GPC5: variants seen among roughly 807,000 people sequenced by gnomAD.
The protein encoded by GPC5 is glypican-5.
Under a neutral mutation model 53.9 loss-of-function variants are expected in GPC5, and 47 were observed. The observed-to-expected ratio is 0.87, with a 90% CI of 0.69 to 1.11. GPC5 has a LOEUF of 1.11. Among genes scored for constraint, GPC5 ranks in the 50% most tolerant of loss-of-function variants. GPC5 has a pLI of 0.00. For synonymous variants in GPC5, 286 were observed against 263.3 expected, an observed-to-expected ratio of 1.09 and a Z score of -0.84; for missense variants, 748 against 713.1, an observed-to-expected ratio of 1.05 and a Z score of -0.56.
chr13:91,607,246 G>T (rs928327800), intron 2 of GPC5, among the ~76,000 whole-genome samples: 3 of 152,180 alleles, frequency 2.0e-5, no homozygotes, highest in Non-Finnish European at 4.4e-5. Context: ...TTTGACAAAT[G>T]TTGGCTCTGA....
intron 7 of GPC5, among the ~76,000 whole-genome samples, chr13:92,796,226 G>A (rs765872509): frequency 6.6e-6 from 1 of 152,028 alleles, no homozygotes; most frequent in Non-Finnish European, 1.5e-5. Flanking sequence ...CATGGATGAA[G>A]CTGGAAACCA....
intron 7 of GPC5, among the ~76,000 whole-genome samples, chr13:92,604,323 A>C (rs1227199773): frequency 6.6e-6 from 1 of 152,166 alleles, no homozygotes; most frequent in Non-Finnish European, 1.5e-5. Context: ...ATCTATCTAA[A>C]TGTAGAAGTG....
At chr13:91,756,205 C>T (rs72643295) in intron 4 of GPC5, 90 bp from the exon 5 acceptor site, 23,083 of 927,536 alleles carry the variant, frequency 0.025, 370 homozygotes, top group Non-Finnish European at 0.03. Context: ...AAATTATATC[C>T]TAAACATTAT....
Position 92,625,971 on chromosome 13 carries a change from G to A in GPC5, c.1562-240311G>A, listed in dbSNP as rs183260919. Among the ~76,000 whole-genome samples the A allele has an allele frequency of 4.6e-5, 7 of 152,288 alleles. No homozygotes were observed. In the East Asian group the frequency reaches 1.4e-3, roughly 29 times the overall value. On this transcript the variant is annotated intron_variant, in intron 7 of 7. Transcript: ENST00000377067. Reference sequence around the variant, plus strand: ...TTTTCAGGAGCCTGTGACAGCCATAGGAACCAGATCAAAGATTCCCAAGAC... The same window carrying A: ...TTTTCAGGAGCCTGTGACAGCCATAAGAACCAGATCAAAGATTCCCAAGAC...
intron 6 of GPC5, among the ~76,000 whole-genome samples, chr13:92,032,009 A>T (rs1391746232): frequency 7.5e-6 from 1 of 133,256 alleles, no homozygotes; most frequent in Non-Finnish European, 1.5e-5. Context: ...AATTGTATAT[A>T]ATATATAATA....
chr13:92,183,048 T>C (rs574319848), intron 7 of GPC5, among the ~76,000 whole-genome samples: 57 of 152,312 alleles, frequency 3.7e-4, no homozygotes, highest in African/African-American at 1.3e-3. Flanking sequence ...GTATGTACTT[T>C]GTTTTTATTC....
At chr13:92,310,709 C>G (rs2043139787) in intron 7 of GPC5, among the ~76,000 whole-genome samples, 1 of 152,144 alleles carries the variant, frequency 6.6e-6, no homozygotes, top group Admixed American at 6.6e-5. Context: ...TATTTTAAAA[C>G]TTTTAAGATC....
At chr13:92,452,247 C>T (rs1353695664) in intron 7 of GPC5, among the ~76,000 whole-genome samples, 1 of 151,896 alleles carries the variant, frequency 6.6e-6, no homozygotes, top group Non-Finnish European at 1.5e-5. Flanking sequence ...GAACTTTCAC[C>T]TATAGGTACA....
chr13:92,347,242 CATA>C (rs1473911886), intron 7 of GPC5, among the ~76,000 whole-genome samples: 1 of 152,214 alleles, frequency 6.6e-6, no homozygotes, highest in Admixed American at 6.5e-5. Flanking sequence ...AATCAAGACA[CATA>C]ATAATCAAAC....
intron 7 of GPC5, among the ~76,000 whole-genome samples, chr13:92,185,367 A>G (rs1356610350): frequency 6.6e-6 from 1 of 152,196 alleles, no homozygotes; most frequent in East Asian, 1.9e-4. Flanking sequence ...TCTCCAGCTC[A>G]AAATATTAAT....
At chr13:91,728,768 AC>A in intron 4 of GPC5, 103 bp downstream of exon 4, 4 of 1,129,318 alleles carry the variant, frequency 3.5e-6, no homozygotes, top group South Asian at 4.8e-5. Context: ...TTCAATATGG[AC>A]AAAAAAAAAA....
At position 92,770,920 on chromosome 13, in the gene GPC5, G is replaced by A. The variant is rs115257402; in HGVS notation, c.1562-95362G>A. 3.5e-3 allele frequency among the ~76,000 whole-genome samples: 532 copies of A among 152,194 alleles called. 3 individuals are homozygous for A. Among genetic ancestry groups the A allele is most frequent in the African/African-American group, 0.012 (503 of 41,508 alleles). ...CTTGACCTCTGCTGATATTCATGGG[G>A]AAGATACTCCTCATTATTTATGGTA... On this transcript the variant is annotated intron_variant, in intron 7 of 7. Transcript: ENST00000377067.
At chr13:92,497,857 G>T (rs1447328141) in intron 7 of GPC5, among the ~76,000 whole-genome samples, 1 of 151,966 alleles carries the variant, frequency 6.6e-6, no homozygotes, top group African/African-American at 2.4e-5. Context: ...TGTAGTGATT[G>T]TGAATGGGAG....
At chr13:91,907,890 T>C (rs779535856) in intron 5 of GPC5, 47 bp from the exon 6 acceptor site, 2 of 1,579,900 alleles carry the variant, frequency 1.3e-6, no homozygotes, top group South Asian at 1.1e-5. Flanking sequence ...TGACAGATAA[T>C]ACCCTGATCA....
At chr13:92,647,662 A>C (rs1594380163) in intron 7 of GPC5, among the ~76,000 whole-genome samples, 1 of 152,250 alleles carries the variant, frequency 6.6e-6, no homozygotes, top group African/African-American at 2.4e-5. Context: ...CATTAACATA[A>C]AAATTGTTTT....
At chr13:92,138,535 A>AAAAAAT (rs755613645) in intron 6 of GPC5, among the ~76,000 whole-genome samples, 18 of 150,796 alleles carry the variant, frequency 1.2e-4, no homozygotes, top group African/African-American at 4.4e-4. Context: ...AATAAAAAAT[A>AAAAAAT]AAAAATAAAA....
At chr13:92,723,621 T>C (rs1888561292) in intron 7 of GPC5, among the ~76,000 whole-genome samples, 1 of 151,698 alleles carries the variant, frequency 6.6e-6, no homozygotes, top group Non-Finnish European at 1.5e-5. Flanking sequence ...TATATCCTTA[T>C]AGTAAAAAGT....
intron 7 of GPC5, among the ~76,000 whole-genome samples, chr13:92,805,940 T>TC (rs761176913): frequency 4.8e-4 from 73 of 152,090 alleles, no homozygotes; most frequent in Non-Finnish European, 7.5e-4. Context: ...AGCTGCATTA[T>TC]CCCCTAACAA....
intron 7 of GPC5, among the ~76,000 whole-genome samples, chr13:92,311,933 G>A (rs1032895461): frequency 2.0e-5 from 3 of 152,150 alleles, no homozygotes; most frequent in Non-Finnish European, 2.9e-5. Flanking sequence ...ATAAAAGCAT[G>A]TGTGAAGACC....
Sources: gnomAD v4.1 joint callset for allele counts (sites outside exome capture counted in the v4.1 genomes callset) on GRCh38, gnomAD v4.1.1 for gene constraint, MANE v1.5 for transcripts, NCBI Gene and HGNC (gene_info 2026-07-23, HGNC 2026-07-21) for gene names.